Variants in FSHR observed in about 807,000 individuals in gnomAD.
FSHR encodes follicle-stimulating hormone receptor.
Under a neutral mutation model 52.1 loss-of-function variants are expected in FSHR, and 46 were observed. That is an observed-to-expected ratio of 0.88 (90% CI 0.70 to 1.13). FSHR has a LOEUF of 1.13. Among genes scored for constraint, FSHR ranks in the 50% most tolerant of loss-of-function variants. The probability of loss-of-function intolerance (pLI) is 0.00; values close to 1 mark genes in which losing one functional copy is unlikely to be tolerated. For synonymous variants in FSHR, 399 were observed against 309.6 expected (o/e 1.29, Z -3.03); for missense variants, 964 against 834.6 (o/e 1.16, Z -1.91).
chr2:49,133,678 G>T (rs140950818), intron 1 of FSHR, among the ~76,000 whole-genome samples: 1 of 152,048 alleles, frequency 6.6e-6, no homozygotes, highest in African/African-American at 2.4e-5. Context: ...ATACTATAAG[G>T]CTACAATAAC....
At chr2:48,966,539 G>C (rs1674485288) in intron 9 of FSHR, among the ~76,000 whole-genome samples, 1 of 152,086 alleles carries the variant, frequency 6.6e-6, no homozygotes, top group Admixed American at 6.6e-5. Flanking sequence ...TTAGTCACAG[G>C]GGCCTCATGT....
rs182894771 is a variant in FSHR at position 49,144,283 on chromosome 2, T to A, written c.152+9983A>T. On this transcript the variant is annotated intron_variant, in intron 1 of 9. Coordinates refer to ENST00000406846, the MANE Select transcript of FSHR (RefSeq NM_000145.4). ...TGTTTCTTTGGCTGAGGTTCTTAAA[T>A]CTGCTGCTGCGGCTATTGTTGCTCT... 2.7e-3 allele frequency among the ~76,000 whole-genome samples: 410 copies of A among 152,278 alleles called. 2 individuals carry two copies. Among genetic ancestry groups the A allele is most frequent in the African/African-American group, 8.5e-3 (355 of 41,578 alleles).
chr2:49,138,615 G>C (rs1253852248), intron 1 of FSHR, among the ~76,000 whole-genome samples: 1 of 147,786 alleles, frequency 6.8e-6, no homozygotes, highest in Non-Finnish European at 1.5e-5. Context: ...ACTTCATATT[G>C]TATGATCCCA....
chr2:49,039,855 T>C (rs748202449), intron 2 of FSHR, among the ~76,000 whole-genome samples: 5 of 152,232 alleles, frequency 3.3e-5, no homozygotes, highest in Non-Finnish European at 5.9e-5. Context: ...TTCATCAAAA[T>C]ATTAACCATG....
intron 1 of FSHR, among the ~76,000 whole-genome samples, chr2:49,077,533 T>A (rs185397427): frequency 3.9e-5 from 6 of 152,320 alleles, no homozygotes. Flanking sequence ...TTGTCTTGGG[T>A]ATTAACATTC....
At chr2:49,110,986 C>A (rs1195419555) in intron 1 of FSHR, among the ~76,000 whole-genome samples, 2 of 152,164 alleles carry the variant, frequency 1.3e-5, no homozygotes, top group Non-Finnish European at 2.9e-5. Flanking sequence ...TCAAATGGAA[C>A]CTTATTAATG....
intron 1 of FSHR, among the ~76,000 whole-genome samples, chr2:49,074,807 C>T (rs533662807): frequency 3.9e-5 from 6 of 152,090 alleles, no homozygotes; most frequent in Middle Eastern, 3.4e-3. Context: ...AAAGCAAATG[C>T]GGTATATATA....
At chr2:48,996,268 T>C (rs568195164) in intron 4 of FSHR, among the ~76,000 whole-genome samples, 1 of 152,118 alleles carries the variant, frequency 6.6e-6, no homozygotes, top group Non-Finnish European at 1.5e-5. Context: ...AGGGCAATGA[T>C]GGATAAGACT....
intron 2 of FSHR, among the ~76,000 whole-genome samples, chr2:49,033,928 A>C (rs776962465): frequency 6.6e-6 from 1 of 152,142 alleles, no homozygotes; most frequent in African/African-American, 2.4e-5. Context: ...ATATACTATG[A>C]TTTTATAGCA....
intron 2 of FSHR, among the ~76,000 whole-genome samples, chr2:49,026,627 A>G (rs538026757): frequency 6.6e-6 from 1 of 152,362 alleles, no homozygotes; most frequent in African/African-American, 2.4e-5. Context: ...TTATCTTGCA[A>G]ACATCGGCAG....
At chr2:49,020,543 AC>A (rs552492875) in intron 2 of FSHR, among the ~76,000 whole-genome samples, 160 of 151,190 alleles carry the variant, frequency 1.1e-3, no homozygotes, top group African/African-American at 3.7e-3. Context: ...GATAGTAAAT[AC>A]TTTTTTGCCC....
chr2:48,992,822 C>A (rs183556685), intron 4 of FSHR, among the ~76,000 whole-genome samples: 1 of 152,142 alleles, frequency 6.6e-6, no homozygotes, highest in Non-Finnish European at 1.5e-5. Context: ...ATGCTGTCTT[C>A]ATTTTCTCAT....
rs370297583 is a variant in FSHR at position 48,962,210 on chromosome 2, C to G, written c.*523G>C. The G allele has an allele frequency of 5.3e-6, 1 of 186,974 alleles. No homozygotes were observed. Among genetic ancestry groups the G allele is most frequent in the Non-Finnish European group, 1.1e-5 (1 of 89,184 alleles). The allele number at this position is 186,974 out of a possible 1,614,324, so 11.6% of individuals were successfully genotyped here. ...ATGTATTTCAGCCTATCCACACTGACGCATTACAAAGGCTTCAGATGGGTG... is the reference window on the plus strand; with the variant it reads ...ATGTATTTCAGCCTATCCACACTGAGGCATTACAAAGGCTTCAGATGGGTG... On this transcript the variant is annotated 3_prime_UTR_variant, in exon 10 of 10. Transcript: ENST00000406846.
intron 8 of FSHR, among the ~76,000 whole-genome samples, chr2:48,971,738 T>A (rs1233668922): frequency 6.6e-6 from 1 of 152,250 alleles, no homozygotes; most frequent in African/African-American, 2.4e-5. Context: ...GTTCTAGTTT[T>A]GTCAATTTTT....
chr2:49,051,636 T>C (rs1170197375), intron 2 of FSHR, among the ~76,000 whole-genome samples: 1 of 152,100 alleles, frequency 6.6e-6, no homozygotes, highest in East Asian at 1.9e-4. Flanking sequence ...TTATGTGATT[T>C]GGTTGTCATT....
intron 1 of FSHR, among the ~76,000 whole-genome samples, chr2:49,070,046 A>T (rs1420532749): frequency 6.6e-6 from 1 of 152,156 alleles, no homozygotes; most frequent in Admixed American, 6.6e-5. Context: ...GTGATGAATC[A>T]TGAGAGAGAA....
At chr2:49,044,744 C>T (rs1318467516) in intron 2 of FSHR, among the ~76,000 whole-genome samples, 1 of 152,010 alleles carries the variant, frequency 6.6e-6, no homozygotes, top group Non-Finnish European at 1.5e-5. Flanking sequence ...CTAGAAGAAA[C>T]CTTATGTGCT....
At chr2:49,110,401 A>G (rs1339310436) in intron 1 of FSHR, among the ~76,000 whole-genome samples, 1 of 152,154 alleles carries the variant, frequency 6.6e-6, no homozygotes, top group African/African-American at 2.4e-5. Flanking sequence ...ACTAAAGTTC[A>G]GTAAGACTTT....
At chr2:48,984,133 T>C (rs767050213) in intron 6 of FSHR, among the ~76,000 whole-genome samples, 7 of 152,188 alleles carry the variant, frequency 4.6e-5, no homozygotes, top group Admixed American at 6.5e-5. Flanking sequence ...GGACTCTCTT[T>C]CCTGGGCTGC....
Sources: gnomAD v4.1 joint callset for allele counts (sites outside exome capture counted in the v4.1 genomes callset) on GRCh38, gnomAD v4.1.1 for gene constraint, MANE v1.5 for transcripts, NCBI Gene and HGNC (gene_info 2026-07-23, HGNC 2026-07-21) for gene names.